The following PRKG1 variants were observed in gnomAD, a reference collection of about 807,000 sequenced individuals.
PRKG1 encodes the protein protein kinase cGMP-dependent 1.
A neutral mutation model predicts 88.1 loss-of-function variants in PRKG1; 35 were observed. The ratio of observed to expected loss-of-function variants is 0.40; its 90% CI spans 0.30 to 0.53. The LOEUF is 0.53. Among genes scored for constraint, PRKG1 ranks in the 20% least tolerant of loss-of-function variants. The pLI, the probability that PRKG1 is intolerant of heterozygous loss-of-function variation, is 0.59. For missense variants in PRKG1, 540 were observed against 839.8 expected (o/e 0.64, Z 4.41); for synonymous variants, 303 against 292.5 (o/e 1.04, Z -0.37).
At chr10:51,693,232 G>A (rs2132395725) in intron 3 of PRKG1, among the ~76,000 whole-genome samples, 1 of 146,284 alleles carries the variant, frequency 6.8e-6, no homozygotes, top group South Asian at 2.2e-4. Context: ...AGGTTGCAGT[G>A]AGCTGAGATT....
At chr10:51,915,886 C>CA in intron 5 of PRKG1, among the ~76,000 whole-genome samples, 1 of 152,196 alleles carries the variant, frequency 6.6e-6, no homozygotes, top group South Asian at 2.1e-4. Context: ...AAATGCAAGT[C>CA]AAAATCACAG....
chr10:51,788,646 T>C (rs1838789941), intron 3 of PRKG1, among the ~76,000 whole-genome samples: 1 of 152,196 alleles, frequency 6.6e-6, no homozygotes, highest in African/African-American at 2.4e-5. Context: ...CCTTGTCATA[T>C]ACTTTCTTAA....
At chr10:51,623,723 T>C (rs1054469751) in intron 3 of PRKG1, among the ~76,000 whole-genome samples, 2 of 151,658 alleles carry the variant, frequency 1.3e-5, no homozygotes, top group African/African-American at 4.8e-5. Context: ...TCACTGGGAG[T>C]TGGTCTTGTC....
chr10:51,426,718 A>T (rs147084443), intron 2 of PRKG1, among the ~76,000 whole-genome samples: 2 of 152,304 alleles, frequency 1.3e-5, no homozygotes, highest in African/African-American at 4.8e-5. Flanking sequence ...ACACACATAT[A>T]CAGAAGTATT....
intron 4 of PRKG1, among the ~76,000 whole-genome samples, chr10:51,853,573 A>T (rs1398320570): frequency 6.6e-6 from 1 of 152,200 alleles, no homozygotes; most frequent in Non-Finnish European, 1.5e-5. Flanking sequence ...CCTTAGGCTG[A>T]TAATTCTTTA....
At chr10:50,993,701 G>C (rs771019870) in intron 1 of PRKG1, among the ~76,000 whole-genome samples, 1 of 152,236 alleles carries the variant, frequency 6.6e-6, no homozygotes, top group African/African-American at 2.4e-5. Context: ...CTTTGCAGCA[G>C]GGAGGAGATT....
intron 2 of PRKG1, among the ~76,000 whole-genome samples, chr10:51,313,146 G>A (rs923214988): frequency 3.3e-5 from 5 of 151,720 alleles, no homozygotes; most frequent in Non-Finnish European, 7.4e-5. Flanking sequence ...ATTCTTCCTC[G>A]TAACTGATAT....
At chr10:52,143,888 C>CTGGGATT (rs1395683471) in intron 8 of PRKG1, among the ~76,000 whole-genome samples, 3 of 152,156 alleles carry the variant, frequency 2.0e-5, no homozygotes, top group Admixed American at 6.6e-5. Flanking sequence ...ATTCTGGGAT[C>CTGGGATT]CAGAGATATA....
intron 1 of PRKG1, among the ~76,000 whole-genome samples, chr10:51,141,396 G>T (rs771560833): frequency 6.6e-6 from 1 of 152,122 alleles, no homozygotes; most frequent in Admixed American, 6.6e-5. Context: ...ATTTTTAGGG[G>T]TGTTTTTCCA....
intron 4 of PRKG1, among the ~76,000 whole-genome samples, chr10:51,847,896 T>C (rs565077742): frequency 7.0e-6 from 1 of 143,090 alleles, no homozygotes; most frequent in East Asian, 2.2e-4. Flanking sequence ...ATCTGAACTC[T>C]ATTCTCTTGT....
At chr10:51,110,363 A>T (rs1046681788) in intron 1 of PRKG1, among the ~76,000 whole-genome samples, 1 of 152,176 alleles carries the variant, frequency 6.6e-6, no homozygotes, top group South Asian at 2.1e-4. Context: ...ATACTACTCA[A>T]TAATAAAAAG....
At chr10:51,978,112 T>G (rs1843894901) in intron 5 of PRKG1, among the ~76,000 whole-genome samples, 1 of 152,082 alleles carries the variant, frequency 6.6e-6, no homozygotes, top group Admixed American at 6.6e-5. Flanking sequence ...AGTTTTACAT[T>G]TAAGTCTTTA....
At chr10:52,191,184 C>T (rs1002905642) in intron 9 of PRKG1, among the ~76,000 whole-genome samples, 5 of 152,076 alleles carry the variant, frequency 3.3e-5, no homozygotes, top group South Asian at 2.1e-4. Flanking sequence ...GAGACAGTCT[C>T]GCTCTGTCGC....
chr10:52,287,848 G>A (rs1842155941), intron 14 of PRKG1, among the ~76,000 whole-genome samples: 1 of 151,992 alleles, frequency 6.6e-6, no homozygotes, highest in Admixed American at 6.6e-5. Flanking sequence ...CTATTCTATA[G>A]AAACATTAGA....
chr10:51,855,880 G>A (rs1213082655), intron 4 of PRKG1, among the ~76,000 whole-genome samples: 3 of 152,092 alleles, frequency 2.0e-5, no homozygotes, highest in Admixed American at 6.5e-5. Flanking sequence ...CAAACTTGAC[G>A]GCTTAAGAAA....
At chr10:51,776,935 A>G (rs1838455522) in intron 3 of PRKG1, among the ~76,000 whole-genome samples, 1 of 152,214 alleles carries the variant, frequency 6.6e-6, no homozygotes, top group Non-Finnish European at 1.5e-5. Context: ...CACGGAAGAC[A>G]TTTGAAGTCT....
At chr10:51,464,086 A>G (rs533501533) in intron 2 of PRKG1, among the ~76,000 whole-genome samples, 105 of 152,046 alleles carry the variant, frequency 6.9e-4, no homozygotes, top group African/African-American at 2.3e-3. Context: ...CTTGGCCAAC[A>G]TGGTGAAAAC....
chr10:52,105,613 A>G (rs1264708771), intron 7 of PRKG1, among the ~76,000 whole-genome samples: 2 of 151,258 alleles, frequency 1.3e-5, no homozygotes, highest in Non-Finnish European at 2.9e-5. Context: ...TTCAAAGTTA[A>G]TACCTTTTTA....
chr10:51,083,855 A>G (rs1156869310), intron 1 of PRKG1, among the ~76,000 whole-genome samples: 2 of 152,062 alleles, frequency 1.3e-5, no homozygotes, highest in African/African-American at 2.4e-5. Flanking sequence ...CTTGTTACAA[A>G]GTCCTCAAGG....
Sources: allele counts gnomAD v4.1 joint callset (sites outside exome capture counted in the v4.1 genomes callset), GRCh38; gene constraint gnomAD v4.1.1; transcripts MANE v1.5; gene names NCBI Gene and HGNC (gene_info 2026-07-23, HGNC 2026-07-21).